Variants in C1GALT1 observed in about 807,000 individuals in gnomAD.
C1GALT1 encodes the protein glycoprotein-N-acetylgalactosamine 3-beta-galactosyltransferase 1.
C1GALT1 carries 11 observed loss-of-function variants against 31.0 expected under a neutral mutation model. The ratio of observed to expected loss-of-function variants is 0.36; its 90% CI spans 0.22 to 0.59. The LOEUF (loss-of-function observed/expected upper bound fraction) is 0.59, where lower values mean the gene tolerates loss of function less well. Ranked by LOEUF, C1GALT1 falls within the 20% of genes least tolerant of loss-of-function variation. C1GALT1 has a pLI of 0.79. For synonymous variants in C1GALT1, 175 were observed against 143.6 expected, an observed-to-expected ratio of 1.22 and a Z score of -1.56; for missense variants, 424 against 425.2, an observed-to-expected ratio of 1.00 and a Z score of 0.03.
At chr7:7,228,671 G>T (rs985088341) in intron 1 of C1GALT1, among the ~76,000 whole-genome samples, 1 of 152,286 alleles carries the variant, frequency 6.6e-6, no homozygotes, top group Middle Eastern at 3.4e-3. Context: ...AATTGGAAGG[G>T]AATGTGGTAA....
At position 7,247,476 on chromosome 7, in the gene C1GALT1, T is replaced by A. The variant is rs898392675; in HGVS notation, c.*3749T>A. ...ATGAGGTATGAAAATAAATCATTGATCAGCTCTTAATATTTTTTGAATACA... is the reference window on the plus strand; with the variant it reads ...ATGAGGTATGAAAATAAATCATTGAACAGCTCTTAATATTTTTTGAATACA... On this transcript the variant is annotated 3_prime_UTR_variant, in exon 4 of 4. Coordinates refer to ENST00000436587, the MANE Select transcript of C1GALT1 (RefSeq NM_020156.5). The A allele has an allele frequency of 1.8e-4, 27 of 152,164 alleles. No individual in the cohort carries two copies. The highest frequency in any genetic ancestry group is 2.9e-5 in the Non-Finnish European group (2 of 67,998). 9.4% of individuals were successfully genotyped at this position (152,164 alleles called of 1,614,324 possible).
intron 1 of C1GALT1, among the ~76,000 whole-genome samples, chr7:7,226,522 A>G (rs1019508962): frequency 6.6e-6 from 1 of 152,326 alleles, no homozygotes; most frequent in African/African-American, 2.4e-5. Context: ...CTGAAAACCA[A>G]GCATAAGAGA....
chr7:7,201,800 A>G (rs1583770773), intron 1 of C1GALT1, among the ~76,000 whole-genome samples: 1 of 151,958 alleles, frequency 6.6e-6, no homozygotes, highest in African/African-American at 2.4e-5. Context: ...ACGCTTCCCT[A>G]CCTGCCGTGG....
intron 1 of C1GALT1, among the ~76,000 whole-genome samples, chr7:7,199,552 G>A (rs1781445560): frequency 3.3e-5 from 5 of 152,136 alleles, no homozygotes; most frequent in Admixed American, 2.6e-4. Flanking sequence ...TGTCTATTAG[G>A]TCTGCTTGGT....
At chr7:7,204,212 T>G (rs1268788423) in intron 1 of C1GALT1, among the ~76,000 whole-genome samples, 3 of 151,752 alleles carry the variant, frequency 2.0e-5, no homozygotes, top group Non-Finnish European at 2.9e-5. Flanking sequence ...TGTCCAGGGC[T>G]TTTCTTTGTT....
chr7:7,161,797 T>C (rs1242157914), intron 2 of C1GALT1, among the ~76,000 whole-genome samples: 1 of 152,166 alleles, frequency 6.6e-6, no homozygotes, highest in African/African-American at 2.4e-5. Flanking sequence ...ATACTTTCCA[T>C]ATTTTCTATG....
chr7:7,207,396 C>CA (rs1240933771), intron 1 of C1GALT1, among the ~76,000 whole-genome samples: 2 of 115,592 alleles, frequency 1.7e-5, no homozygotes, highest in Non-Finnish European at 3.3e-5. Context: ...AGGCTGGACT[C>CA]AAACTCCTGG....
chr7:7,197,858 G>A (rs200730141), intron 1 of C1GALT1, among the ~76,000 whole-genome samples: 44 of 152,108 alleles, frequency 2.9e-4, no homozygotes, highest in Admixed American at 2.3e-3. Context: ...TTGGTGTATA[G>A]GAATGCTTGT....
At chr7:7,188,567 T>G (rs1243358954) in intron 1 of C1GALT1, among the ~76,000 whole-genome samples, 1 of 150,556 alleles carries the variant, frequency 6.6e-6, no homozygotes, top group South Asian at 2.1e-4. Flanking sequence ...CGATGCAAAA[T>G]TAAAACATCA....
intron 1 of C1GALT1, among the ~76,000 whole-genome samples, chr7:7,197,295 G>A (rs944070019): frequency 2.0e-5 from 3 of 152,196 alleles, no homozygotes; most frequent in African/African-American, 7.2e-5. Flanking sequence ...TTATTAAATA[G>A]GGAATCCTTT....
In C1GALT1 at chr7:7,173,712, C is replaced by A. The variant is rs149299956; in HGVS notation, c.-18+16286C>A. On this transcript the variant is annotated intron_variant, in intron 2 of 3. Coordinates refer to the C1GALT1 transcript ENST00000429911. ...AGCTCAGGAGTTGAAGACCAGTCTG[C>A]GCAACATGGTGAAACCCTATTTCTA... 1.2e-4 allele frequency among the ~76,000 whole-genome samples: 18 copies of A among 152,128 alleles called. No homozygotes were observed. The East Asian group carries it at 3.5e-3, about 29-fold the overall frequency.
intron 1 of C1GALT1, among the ~76,000 whole-genome samples, chr7:7,213,575 A>G (rs1417385807): frequency 6.6e-6 from 1 of 152,208 alleles, no homozygotes; most frequent in Non-Finnish European, 1.5e-5. Context: ...AGGAAGGACA[A>G]TTTCCAGATT....
intron 2 of C1GALT1, among the ~76,000 whole-genome samples, chr7:7,174,109 G>A (rs1260923388): frequency 6.6e-6 from 1 of 151,892 alleles, no homozygotes; most frequent in Non-Finnish European, 1.5e-5. Flanking sequence ...TGTATGCTGA[G>A]AGACAGAAAG....
At chr7:7,162,404 T>A (rs1252622200) in intron 2 of C1GALT1, among the ~76,000 whole-genome samples, 1 of 151,404 alleles carries the variant, frequency 6.6e-6, no homozygotes, top group Non-Finnish European at 1.5e-5. Context: ...CTGAGAATGA[T>A]GATTTCCAAT....
At chr7:7,223,199 C>T (rs1782591301) in intron 1 of C1GALT1, among the ~76,000 whole-genome samples, 1 of 152,102 alleles carries the variant, frequency 6.6e-6, no homozygotes, top group African/African-American at 2.4e-5. Context: ...TGCTCTGTCA[C>T]CCAGGCTGGA....
chr7:7,169,776 G>T (rs186577594), intron 2 of C1GALT1, among the ~76,000 whole-genome samples: 4 of 152,212 alleles, frequency 2.6e-5, no homozygotes, highest in Admixed American at 2.6e-4. Context: ...CTTTGTTGAA[G>T]ATTTTTGCTT....
intron 1 of C1GALT1, among the ~76,000 whole-genome samples, chr7:7,195,949 T>C (rs1181462205): frequency 6.6e-6 from 1 of 152,238 alleles, no homozygotes; most frequent in African/African-American, 2.4e-5. Flanking sequence ...TTTAACTTGT[T>C]GCTTTCAAGT....
chr7:7,195,206 C>T (rs1207697313), intron 1 of C1GALT1, among the ~76,000 whole-genome samples: 3 of 152,002 alleles, frequency 2.0e-5, no homozygotes, highest in African/African-American at 4.8e-5. Context: ...GTTGTTTCTT[C>T]TTCTGGATTT....
At chr7:7,168,844 A>G (rs532972749) in intron 2 of C1GALT1, among the ~76,000 whole-genome samples, 181 of 152,318 alleles carry the variant, frequency 1.2e-3, no homozygotes, top group Non-Finnish European at 2.0e-3. Context: ...TATACACCGA[A>G]TCATTTCTTT....
Sources: allele counts gnomAD v4.1 joint callset (sites outside exome capture counted in the v4.1 genomes callset), GRCh38; gene constraint gnomAD v4.1.1; transcripts MANE v1.5; gene names NCBI Gene and HGNC (gene_info 2026-07-23, HGNC 2026-07-21).